Variants in NETO1 observed in about 807,000 individuals in gnomAD.
NETO1 encodes neuropilin and tolloid like 1, also known as neuropilin and tolloid-like protein 1.
In NETO1, 26 loss-of-function variants were observed where a neutral mutation model predicts 61.3. The observed-to-expected ratio is 0.42, with a 90% CI of 0.31 to 0.59. NETO1 has a LOEUF of 0.59. NETO1 is among the 20% of genes least tolerant of loss of function. The pLI is 0.12. For synonymous variants in NETO1, 225 were observed against 225.8 expected, an observed-to-expected ratio of 1.00 and a Z score of 0.03; for missense variants, 531 against 662.8, an observed-to-expected ratio of 0.80 and a Z score of 2.18.
intron 4 of NETO1, among the ~76,000 whole-genome samples, chr18:72,835,755 T>C (rs1014058869): frequency 6.6e-6 from 1 of 152,312 alleles, no homozygotes; most frequent in Non-Finnish European, 1.5e-5. Flanking sequence ...CTGCAGTAAC[T>C]GTAGAAATAA....
At chr18:72,857,746 A>G (rs1276420779) in intron 4 of NETO1, among the ~76,000 whole-genome samples, 1 of 152,180 alleles carries the variant, frequency 6.6e-6, no homozygotes, top group East Asian at 1.9e-4. Flanking sequence ...TGAGTAATCC[A>G]TTATCAGCAA....
chr18:72,789,785 C>T (rs1454875157), intron 6 of NETO1, among the ~76,000 whole-genome samples: 1 of 152,148 alleles, frequency 6.6e-6, no homozygotes, highest in African/African-American at 2.4e-5. Flanking sequence ...GATTCTCTTA[C>T]TTCCCCTTTC....
chr18:72,865,707 A>C, intron 1 of NETO1: 1 of 1,535,512 alleles, frequency 6.5e-7, no homozygotes, highest in Non-Finnish European at 8.8e-7. Flanking sequence ...TGTATTTTAG[A>C]AAATAAATAC....
chr18:72,792,789 C>T (rs934276841), intron 6 of NETO1, among the ~76,000 whole-genome samples: 3 of 151,932 alleles, frequency 2.0e-5, no homozygotes, highest in Non-Finnish European at 2.9e-5. Context: ...CCTCTCAACC[C>T]ACGCTTTCAT....
At chr18:72,850,154 T>C (rs2074207016) in intron 4 of NETO1, among the ~76,000 whole-genome samples, 1 of 152,226 alleles carries the variant, frequency 6.6e-6, no homozygotes, top group Non-Finnish European at 1.5e-5. Context: ...GGAGGGTATA[T>C]TATCTGGCTA....
At position 72,835,424 on chromosome 18, in the gene NETO1, G is replaced by A. The variant is rs1034586819; in HGVS notation, c.469+23402C>T. 112 of 837,068 alleles carry A rather than the reference G, an allele frequency of 1.3e-4. 2 individuals are homozygous for A. The Middle Eastern group carries it at 3.4e-3, about 26-fold the overall frequency. 51.9% of individuals were successfully genotyped at this position (837,068 alleles called of 1,614,324 possible). A position where few individuals can be genotyped will look rare whatever the true frequency, so the allele number is the denominator to read the frequency against. On this transcript the variant is annotated intron_variant, in intron 4 of 10. Transcript: ENST00000327305. ...CAGCTGTTTGGGTAATACAGGAGGAGCAAATCCAAAGTAGGAATACAAGTT... is the reference window on the plus strand; with the variant it reads ...CAGCTGTTTGGGTAATACAGGAGGAACAAATCCAAAGTAGGAATACAAGTT...
In NETO1 at chr18:72,746,599, A is replaced by G. The variant is rs1599071710; in HGVS notation, c.*1580T>C. Among the ~76,000 whole-genome samples, 3 of 151,948 alleles carry G rather than the reference A, an allele frequency of 2.0e-5. No individual in the cohort carries two copies. The East Asian group carries it at 5.8e-4, about 29-fold the overall frequency. ...TTTCTATTTGCTTATTTTTTAACAT[A>G]TATGACATTGTATTCCTAGTAGGGA... On this transcript the variant is annotated 3_prime_UTR_variant, in exon 11 of 11. Transcript: ENST00000327305.
intron 6 of NETO1, among the ~76,000 whole-genome samples, chr18:72,791,876 G>A (rs1410345596): frequency 6.6e-6 from 1 of 152,118 alleles, no homozygotes; most frequent in Non-Finnish European, 1.5e-5. Context: ...CAGGTAGTGG[G>A]TTTTTATGGT....
intron 7 of NETO1, among the ~76,000 whole-genome samples, chr18:72,772,854 T>C (rs2071421909): frequency 1.1e-5 from 1 of 93,850 alleles, no homozygotes; most frequent in Non-Finnish European, 2.2e-5. Flanking sequence ...TATATATATA[T>C]ATATATATAT....
intron 4 of NETO1, among the ~76,000 whole-genome samples, chr18:72,815,662 C>T (rs1943657): frequency 0.71 from 107,252 of 152,114 alleles, 41,234 homozygotes; most frequent in Non-Finnish European, 0.86. Flanking sequence ...TCGAGTTTCA[C>T]GTGTATGTGG....
intron 4 of NETO1, among the ~76,000 whole-genome samples, chr18:72,838,649 A>G (rs1020279773): frequency 2.6e-5 from 4 of 152,168 alleles, no homozygotes; most frequent in Non-Finnish European, 5.9e-5. Flanking sequence ...CTAAGGCATG[A>G]ACTCTCTTGT....
At chr18:72,799,197 C>T (rs2072419812) in intron 4 of NETO1, among the ~76,000 whole-genome samples, 1 of 152,152 alleles carries the variant, frequency 6.6e-6, no homozygotes, top group African/African-American at 2.4e-5. Context: ...AACACAGCTA[C>T]TTTCAGCTAG....
intron 4 of NETO1, among the ~76,000 whole-genome samples, chr18:72,810,756 G>A (rs78149774): frequency 0.014 from 2,085 of 152,308 alleles, 22 homozygotes; most frequent in Middle Eastern, 0.031. Context: ...AGCATGGAAG[G>A]TGATTTCATT....
chr18:72,832,782 T>C (rs180868378), intron 4 of NETO1, among the ~76,000 whole-genome samples: 1 of 152,348 alleles, frequency 6.6e-6, no homozygotes, highest in East Asian at 1.9e-4. Flanking sequence ...AACTTTATAG[T>C]GTTGAGGTTT....
chr18:72,820,848 CA>C (rs2073170344), intron 4 of NETO1, among the ~76,000 whole-genome samples: 4 of 152,154 alleles, frequency 2.6e-5, no homozygotes, highest in African/African-American at 9.7e-5. Flanking sequence ...GGGTGATTTT[CA>C]GAGTGGAACT....
chr18:72,788,488 G>A (rs751672884), intron 6 of NETO1, among the ~76,000 whole-genome samples: 1 of 151,650 alleles, frequency 6.6e-6, no homozygotes, highest in South Asian at 2.1e-4. Flanking sequence ...CTTAAATCTT[G>A]TACCACAATA....
chr18:72,798,153 A>G (rs1176790443), intron 4 of NETO1, among the ~76,000 whole-genome samples: 7 of 152,252 alleles, frequency 4.6e-5, no homozygotes, highest in African/African-American at 1.7e-4. Flanking sequence ...GAGGCAGGAC[A>G]GCAAAGGAAG....
rs780297522 is a variant in NETO1 at position 72,821,728 on chromosome 18, C to T, written c.470-27324G>A. Among the ~76,000 whole-genome samples the T allele has an allele frequency of 3.9e-5, 6 of 152,152 alleles. No individual in the cohort carries two copies. The South Asian group carries it at 8.3e-4, about 21-fold the overall frequency. The stretch of plus-strand genomic sequence containing the variant: ...ATTTTTAGAGTTGAAGAACGTGAGA[C>T]GTTGAGGTGACTGATAAAATTGGTA... On this transcript the variant is annotated intron_variant, in intron 4 of 10. Coordinates refer to ENST00000327305, the MANE Select transcript of NETO1 (RefSeq NM_138966.5).
At chr18:72,845,891 ATTG>A (rs2074066653) in intron 4 of NETO1, among the ~76,000 whole-genome samples, 2 of 152,212 alleles carry the variant, frequency 1.3e-5, no homozygotes, top group Non-Finnish European at 1.5e-5. Flanking sequence ...GAATATATAC[ATTG>A]TTGTTAGAAT....
Sources: allele counts gnomAD v4.1 joint callset (sites outside exome capture counted in the v4.1 genomes callset), GRCh38; gene constraint gnomAD v4.1.1; transcripts MANE v1.5; gene names NCBI Gene and HGNC (gene_info 2026-07-23, HGNC 2026-07-21).